The following AGBL4 variants were observed in gnomAD, a reference collection of about 807,000 sequenced individuals.
AGBL4 encodes cytosolic carboxypeptidase 6.
Under a neutral mutation model 66.4 loss-of-function variants are expected in AGBL4, and 58 were observed. The ratio of observed to expected loss-of-function variants is 0.87; its 90% confidence interval spans 0.71 to 1.09. The LOEUF (loss-of-function observed/expected upper bound fraction) is 1.09. Ranked by LOEUF, AGBL4 falls within the 50% of genes least tolerant of loss-of-function variation. The pLI, the probability that AGBL4 is intolerant of heterozygous loss-of-function variation, is 0.00. For synonymous variants in AGBL4, 234 were observed against 222.9 expected, an observed-to-expected ratio of 1.05 and a Z score of -0.44; for missense variants, 579 against 631.0, an observed-to-expected ratio of 0.92 and a Z score of 0.88.
intron 1 of AGBL4, among the ~76,000 whole-genome samples, chr1:49,939,064 A>T (rs1290416253): frequency 6.6e-6 from 1 of 152,072 alleles, no homozygotes; most frequent in Non-Finnish European, 1.5e-5. Context: ...AATAACCGAC[A>T]AACAGAGAGC....
In AGBL4 at chr1:48,594,746, T is replaced by C. The variant is rs1478995870; in HGVS notation, c.952-3761A>G. ...AATTTCACTGTTTCAACACCATTTATTGAATTGTGCATCTCTTCCCCACTG... is the reference window on the plus strand; with the variant it reads ...AATTTCACTGTTTCAACACCATTTACTGAATTGTGCATCTCTTCCCCACTG... On this transcript the variant is annotated intron_variant, in intron 9 of 13. Coordinates refer to ENST00000371839, the MANE Select transcript of AGBL4 (RefSeq NM_032785.4). Among the ~76,000 whole-genome samples the C allele has an allele frequency of 2.0e-5, 3 of 152,156 alleles. No homozygotes were observed. The East Asian group carries it at 5.8e-4, about 29-fold the overall frequency.
intron 5 of AGBL4, among the ~76,000 whole-genome samples, chr1:48,948,516 T>G (rs1011666099): frequency 6.6e-6 from 1 of 152,190 alleles, no homozygotes; most frequent in African/African-American, 2.4e-5. Context: ...TGTCACGTCT[T>G]CCTCCCTACT....
intron 1 of AGBL4, among the ~76,000 whole-genome samples, chr1:49,878,069 G>T (rs1046480788): frequency 6.6e-6 from 1 of 150,790 alleles, no homozygotes; most frequent in Non-Finnish European, 1.5e-5. Context: ...TATTAGTCTT[G>T]CTAGCGGTCT....
At chr1:48,550,728 A>G (rs1320527457) in intron 11 of AGBL4, among the ~76,000 whole-genome samples, 1 of 152,146 alleles carries the variant, frequency 6.6e-6, no homozygotes, top group Non-Finnish European at 1.5e-5. Flanking sequence ...GGTGCTGGGT[A>G]TCAGGGGTGG....
chr1:48,957,886 G>A (rs191944956), intron 5 of AGBL4, among the ~76,000 whole-genome samples: 7 of 152,142 alleles, frequency 4.6e-5, no homozygotes, highest in South Asian at 2.1e-4. Flanking sequence ...AACTCTGACC[G>A]AATCACTCTC....
chr1:49,921,464 A>ATG (rs1328744356), intron 1 of AGBL4, among the ~76,000 whole-genome samples: 2 of 152,182 alleles, frequency 1.3e-5, no homozygotes, highest in Non-Finnish European at 2.9e-5. Context: ...AATAGGATAT[A>ATG]TGTATATTTG....
chr1:49,765,308 T>C (rs1194403755), intron 2 of AGBL4, among the ~76,000 whole-genome samples: 1 of 151,746 alleles, frequency 6.6e-6, no homozygotes, highest in Non-Finnish European at 1.5e-5. Context: ...ACCACATGGC[T>C]CAATACAAAA....
At chr1:49,428,825 A>C (rs1645722531) in intron 3 of AGBL4, among the ~76,000 whole-genome samples, 1 of 152,222 alleles carries the variant, frequency 6.6e-6, no homozygotes, top group African/African-American at 2.4e-5. Context: ...AAGCAGTTGC[A>C]TTATTCCTCA....
chr1:50,002,191 A>G (rs908703310), intron 1 of AGBL4, among the ~76,000 whole-genome samples: 1 of 152,156 alleles, frequency 6.6e-6, no homozygotes, highest in Non-Finnish European at 1.5e-5. Context: ...AATGTGAAAG[A>G]GTACTCATAA....
At chr1:49,163,519 C>A (rs897571929) in intron 4 of AGBL4, among the ~76,000 whole-genome samples, 1 of 152,190 alleles carries the variant, frequency 6.6e-6, no homozygotes, top group Non-Finnish European at 1.5e-5. Context: ...CGTATGTTTA[C>A]AAATATCTTG....
intron 7 of AGBL4, among the ~76,000 whole-genome samples, chr1:48,656,892 G>T (rs541206002): frequency 2.6e-5 from 4 of 152,214 alleles, no homozygotes; most frequent in Admixed American, 2.6e-4. Flanking sequence ...TGGGTGATGG[G>T]ATCATTAGAA....
chr1:49,008,409 C>T (rs1662048665), intron 5 of AGBL4, among the ~76,000 whole-genome samples: 1 of 151,460 alleles, frequency 6.6e-6, no homozygotes, highest in South Asian at 2.1e-4. Context: ...GAGACTTAGA[C>T]TCCCACACAT....
chr1:49,171,399 G>A (rs1646735750), intron 4 of AGBL4, among the ~76,000 whole-genome samples: 1 of 152,152 alleles, frequency 6.6e-6, no homozygotes, highest in Non-Finnish European at 1.5e-5. Context: ...CTTGATCACA[G>A]CCCATATTTC....
chr1:49,711,561 A>T lies in AGBL4; in HGVS notation c.158-14124T>A, dbSNP rs1647666638. 2.6e-5 allele frequency among the ~76,000 whole-genome samples: 4 copies of T among 152,202 alleles called. No homozygotes were observed. The South Asian group carries it at 8.3e-4, about 32-fold the overall frequency. ...GGATAGAAAGCAATGATCAGTGTTT[A>T]TCTGGGTAGAAAGGGGGATATATTA... On this transcript the variant is annotated intron_variant, in intron 2 of 13. Transcript: ENST00000371839.
At chr1:49,946,193 C>A (rs1156975232) in intron 1 of AGBL4, among the ~76,000 whole-genome samples, 1 of 149,532 alleles carries the variant, frequency 6.7e-6, no homozygotes, top group Non-Finnish European at 1.5e-5. Flanking sequence ...TTAAACTACA[C>A]CCTGGAACCA....
chr1:49,819,051 G>A (rs912760647), intron 2 of AGBL4, among the ~76,000 whole-genome samples: 3 of 151,964 alleles, frequency 2.0e-5, no homozygotes, highest in African/African-American at 7.3e-5. Context: ...GAAAAATAGT[G>A]CCTATTTCAT....
chr1:49,842,382 A>G, intron 2 of AGBL4: 1 of 618,476 alleles, frequency 1.6e-6, no homozygotes, highest in Non-Finnish European at 2.5e-6. Flanking sequence ...CAAGGCATGT[A>G]CCCAGGTGAG....
intron 5 of AGBL4, among the ~76,000 whole-genome samples, chr1:49,019,034 G>A (rs1209692678): frequency 6.6e-6 from 1 of 152,054 alleles, no homozygotes; most frequent in Admixed American, 6.5e-5. Flanking sequence ...ATGTACATTC[G>A]AGAAGATACA....
intron 2 of AGBL4, among the ~76,000 whole-genome samples, chr1:49,809,148 T>G (rs1413370929): frequency 6.6e-6 from 1 of 152,142 alleles, no homozygotes; most frequent in East Asian, 1.9e-4. Context: ...CCTTGTAGCA[T>G]CCAATTACAT....
Sources: gnomAD v4.1 joint callset for allele counts (sites outside exome capture counted in the v4.1 genomes callset) on GRCh38, gnomAD v4.1.1 for gene constraint, MANE v1.5 for transcripts, NCBI Gene and HGNC (gene_info 2026-07-23, HGNC 2026-07-21) for gene names.